The following DPYD variants were observed in gnomAD, a reference collection of about 807,000 sequenced individuals.
DPYD encodes dihydropyrimidine dehydrogenase [NADP(+)].
DPYD carries 109 observed loss-of-function variants against 116.2 expected under a neutral mutation model. That is an observed-to-expected ratio of 0.94 (90% confidence interval 0.80 to 1.10). The LOEUF (loss-of-function observed/expected upper bound fraction) is 1.10. Ranked by LOEUF, DPYD falls within the 50% of genes least tolerant of loss-of-function variation. The probability of loss-of-function intolerance (pLI) is 0.00; values close to 1 mark genes in which losing one functional copy is unlikely to be tolerated. For missense variants in DPYD, 1,302 were observed against 1,254.5 expected (o/e 1.04, Z -0.57); for synonymous variants, 440 against 432.0 (o/e 1.02, Z -0.23).
rs1650314627 is a variant in DPYD at position 97,540,114 on chromosome 1, C to T, written c.1524+9446G>A. ...ACAAGCTGAATGTCTTCTAATTCAG[C>T]TCAATTCTGACACTATCTACCTGAT... On this transcript the variant is annotated intron_variant, in intron 12 of 22. Transcript: ENST00000370192. Among the ~76,000 whole-genome samples, 3 of 151,992 alleles carry T rather than the reference C, an allele frequency of 2.0e-5. No homozygotes were observed. The South Asian group carries it at 6.2e-4, about 32-fold the overall frequency.
intron 8 of DPYD, among the ~76,000 whole-genome samples, chr1:97,667,524 C>T (rs1033734534): frequency 6.6e-6 from 1 of 152,044 alleles, no homozygotes; most frequent in Non-Finnish European, 1.5e-5. Context: ...TACTTACATC[C>T]ATTAGGATAG....
chr1:97,237,555 AT>A (rs1161995086), intron 18 of DPYD, among the ~76,000 whole-genome samples: 4 of 152,198 alleles, frequency 2.6e-5, no homozygotes, highest in Non-Finnish European at 5.9e-5. Context: ...TTTATCAGTG[AT>A]TCCTCACAGT....
intron 19 of DPYD, among the ~76,000 whole-genome samples, chr1:97,195,554 GAGAGAC>G (rs1173838548): frequency 4.1e-5 from 3 of 73,324 alleles, no homozygotes; most frequent in South Asian, 4.6e-4. Context: ...GAGAGAGAGA[GAGAGAC>G]AGAACTCTCA....
intron 2 of DPYD, among the ~76,000 whole-genome samples, chr1:97,870,177 A>G (rs1009250504): frequency 6.6e-6 from 1 of 151,922 alleles, no homozygotes; most frequent in African/African-American, 2.4e-5. Context: ...ATAGGTTAGT[A>G]AAATCTAAAT....
At chr1:97,202,191 T>C (rs1205312081) in intron 19 of DPYD, among the ~76,000 whole-genome samples, 2 of 152,174 alleles carry the variant, frequency 1.3e-5, no homozygotes, top group Non-Finnish European at 2.9e-5. Flanking sequence ...CCGAAATGGA[T>C]AAGTAGTTCT....
chr1:97,894,857 CA>C (rs1274165545), intron 1 of DPYD, among the ~76,000 whole-genome samples: 2 of 151,434 alleles, frequency 1.3e-5, no homozygotes, highest in African/African-American at 4.8e-5. Flanking sequence ...TATAATGTGG[CA>C]AAGCATCCAT....
intron 2 of DPYD, among the ~76,000 whole-genome samples, chr1:97,836,331 T>C (rs1347876925): frequency 6.6e-6 from 1 of 152,214 alleles, no homozygotes; most frequent in Non-Finnish European, 1.5e-5. Flanking sequence ...ATTTTGTTCA[T>C]GCATTTATTA....
At chr1:97,880,733 T>C (rs1672171658) in intron 2 of DPYD, among the ~76,000 whole-genome samples, 1 of 152,020 alleles carries the variant, frequency 6.6e-6, no homozygotes, top group South Asian at 2.1e-4. Context: ...TTTCATTTTT[T>C]TGTTCTTTTG....
intron 18 of DPYD, among the ~76,000 whole-genome samples, chr1:97,271,088 GT>G (rs1335631281): frequency 6.6e-6 from 1 of 152,182 alleles, no homozygotes; most frequent in Non-Finnish European, 1.5e-5. Context: ...CATAGAGAAG[GT>G]TTGTTGGCAC....
At chr1:97,295,617 G>T in intron 18 of DPYD, 1 of 237,552 alleles carries the variant, frequency 4.2e-6, no homozygotes, top group Non-Finnish European at 6.8e-6. Context: ...TTTTGGTAGA[G>T]ACAGGGTTTC....
At chr1:97,446,038 G>C (rs1201000246) in intron 14 of DPYD, among the ~76,000 whole-genome samples, 1 of 152,066 alleles carries the variant, frequency 6.6e-6, no homozygotes, top group Non-Finnish European at 1.5e-5. Flanking sequence ...ATTGTCTGAT[G>C]TTTTTAAGAT....
intron 18 of DPYD, among the ~76,000 whole-genome samples, chr1:97,268,865 A>T (rs1031153292): frequency 2.6e-5 from 4 of 152,184 alleles, no homozygotes; most frequent in African/African-American, 9.6e-5. Context: ...TCTCTTTAGC[A>T]AACAGTCGCT....
At chr1:97,367,056 T>A (rs1671077023) in intron 16 of DPYD, among the ~76,000 whole-genome samples, 1 of 152,066 alleles carries the variant, frequency 6.6e-6, no homozygotes, top group Non-Finnish European at 1.5e-5. Context: ...GACACTGCAT[T>A]GCATATGAGA....
chr1:97,217,473 T>C (rs1408499802), intron 19 of DPYD, among the ~76,000 whole-genome samples: 1 of 152,134 alleles, frequency 6.6e-6, no homozygotes, highest in African/African-American at 2.4e-5. Context: ...AGAGACATAG[T>C]TGTGATTTCT....
chr1:97,148,253 T>G (rs68138650), intron 20 of DPYD, among the ~76,000 whole-genome samples: 11,380 of 61,484 alleles, frequency 0.19, 541 homozygotes, highest in Admixed American at 0.2. Context: ...TGTGTGTGTG[T>G]GGGGGGGGTG....
intron 14 of DPYD, among the ~76,000 whole-genome samples, chr1:97,400,947 TC>T (rs769344927): frequency 9.9e-5 from 15 of 152,144 alleles, no homozygotes; most frequent in Admixed American, 2.6e-4. Context: ...GAATGAGAGC[TC>T]CTTTGCTCCA....
chr1:97,594,848 C>T (rs904721423), intron 9 of DPYD, among the ~76,000 whole-genome samples: 2 of 151,754 alleles, frequency 1.3e-5, no homozygotes, highest in Admixed American at 1.3e-4. Context: ...GTGAAAATTC[C>T]TTACGATGAT....
At chr1:97,556,506 T>TC (rs930099795) in intron 11 of DPYD, among the ~76,000 whole-genome samples, 1 of 70,746 alleles carries the variant, frequency 1.4e-5, no homozygotes, top group Non-Finnish European at 2.6e-5. Context: ...CCCTCCCCCC[T>TC]CCCCCCACCC....
intron 13 of DPYD, among the ~76,000 whole-genome samples, chr1:97,508,537 T>C (rs1017019631): frequency 2.6e-5 from 4 of 151,936 alleles, no homozygotes; most frequent in Non-Finnish European, 5.9e-5. Flanking sequence ...TATTTCTCAA[T>C]AGAAAGACAA....
Sources: gnomAD v4.1 joint callset for allele counts (sites outside exome capture counted in the v4.1 genomes callset) on GRCh38, gnomAD v4.1.1 for gene constraint, MANE v1.5 for transcripts, NCBI Gene and HGNC (gene_info 2026-07-23, HGNC 2026-07-21) for gene names.